Variants in POU2F2 observed in about 807,000 individuals in gnomAD.
POU2F2 encodes the protein POU domain, class 2, transcription factor 2.
In POU2F2, 14 loss-of-function variants were observed where a neutral mutation model predicts 63.5. The observed-to-expected ratio is 0.22, with a 90% CI of 0.15 to 0.34. The LOEUF (loss-of-function observed/expected upper bound fraction) is 0.34, where lower values mean the gene tolerates loss of function less well. POU2F2 is among the 10% of genes least tolerant of loss of function. The pLI, the probability that POU2F2 is intolerant of heterozygous loss-of-function variation, is 1.00. For synonymous variants in POU2F2, 306 were observed against 348.6 expected, an observed-to-expected ratio of 0.88 and a Z score of 1.36; for missense variants, 607 against 815.2, an observed-to-expected ratio of 0.74 and a Z score of 3.11.
At position 42,099,749 on chromosome 19, in the gene POU2F2, A is replaced by C. The variant is rs776396413; in HGVS notation, c.442T>G (p.Phe148Val). 2 of 1,592,634 alleles carry C rather than the reference A, an allele frequency of 1.3e-6. No homozygotes were observed. Among genetic ancestry groups the C allele is most frequent in the Admixed American group, 3.5e-5 (2 of 56,882 alleles). The stretch of plus-strand genomic sequence containing the variant: ...CTCTGCTGGGCCTGCGGTAGCAGGA[A>C]CTGAGCAGGTGGCTGGAGGTGGTGG... ...PGHHLQPPAQ[F>V]LLPQAQQSQP... The change falls in exon 6 of 15, where the codon TTC becomes GTC. Residue 148 changes from phenylalanine (F) to valine (V), a missense_variant. Coordinates refer to ENST00000692977, the MANE Select transcript of POU2F2 (RefSeq NM_001394376.1).
intron 2 of POU2F2, among the ~76,000 whole-genome samples, chr19:42,145,356 C>T (rs1157605147): frequency 6.6e-6 from 1 of 152,188 alleles, no homozygotes; most frequent in Non-Finnish European, 1.5e-5. Context: ...GCAAACCACT[C>T]AGCCTCTCTG....
chr19:42,176,181 G>C (rs546633248), upstream of POU2F2, among the ~76,000 whole-genome samples: 292 of 152,102 alleles, frequency 1.9e-3, 1 homozygote, highest in African/African-American at 6.8e-3. Flanking sequence ...CAAAATGGGG[G>C]TCCCGCCCAG....
chr19:42,091,972 G>A (rs1189553769), intron 13 of POU2F2, 32 bp from the exon 14 acceptor site: 4 of 1,537,220 alleles, frequency 2.6e-6, no homozygotes, highest in Non-Finnish European at 3.5e-6. Flanking sequence ...CATTAGCAGG[G>A]GCAGGGACCT....
chr19:42,154,352 A>G (rs935199692), intron 2 of POU2F2, among the ~76,000 whole-genome samples: 2 of 152,076 alleles, frequency 1.3e-5, no homozygotes, highest in African/African-American at 4.8e-5. Context: ...AAGATGAAAG[A>G]GACTGGAAGG....
chr19:42,087,247 G>A lies in POU2F2; in HGVS notation c.*4010C>T, dbSNP rs2076579476. ...CACTCAGAGACCAGTGGGGGCCCGC[G>A]TGTCTCAATCTTGCTGTCTGTCTCA... On this transcript the variant is annotated 3_prime_UTR_variant, in exon 15 of 15. Coordinates refer to ENST00000692977, the MANE Select transcript of POU2F2 (RefSeq NM_001394376.1). The A allele has an allele frequency of 6.6e-6, 1 of 151,340 alleles. No homozygotes were observed. The highest frequency in any genetic ancestry group is 6.6e-5 in the Admixed American group (1 of 15,178). The allele number at this position is 151,340 out of a possible 1,614,324, so 9.4% of individuals were successfully genotyped here.
chr19:42,179,286 G>C (rs779349508), upstream of POU2F2, among the ~76,000 whole-genome samples: 1 of 151,992 alleles, frequency 6.6e-6, no homozygotes, highest in Non-Finnish European at 1.5e-5. Flanking sequence ...GAGGAGGGCA[G>C]TGCCCAGTCA....
At chr19:42,138,756 G>A (rs2034068725) in intron 2 of POU2F2, among the ~76,000 whole-genome samples, 1 of 152,020 alleles carries the variant, frequency 6.6e-6, no homozygotes, top group Admixed American at 6.6e-5. Context: ...GTGGCTGGGT[G>A]GATGCGAGGC....
intron 1 of POU2F2, among the ~76,000 whole-genome samples, chr19:42,126,774 C>T (rs1600143833): frequency 6.6e-6 from 1 of 152,134 alleles, no homozygotes; most frequent in East Asian, 1.9e-4. Context: ...AAGACCAATG[C>T]GACAGGCCTG....
At chr19:42,177,963 C>T (rs575028111), upstream of POU2F2, among the ~76,000 whole-genome samples, 10 of 149,858 alleles carry the variant, frequency 6.7e-5, no homozygotes, top group South Asian at 2.1e-3. Context: ...AGAAAAGAGA[C>T]AGAGAAGGGT....
At chr19:42,099,877 C>G in intron 5 of POU2F2, 56 bp from the exon 6 acceptor site, 12 of 1,391,020 alleles carry the variant, frequency 8.6e-6, no homozygotes, top group Non-Finnish European at 1.2e-5. Context: ...GGGTTTCATC[C>G]TCTCTGCATC....
chr19:42,166,181 C>G (rs935588011), intron 1 of POU2F2, among the ~76,000 whole-genome samples: 1 of 152,236 alleles, frequency 6.6e-6, no homozygotes. Flanking sequence ...CTCCCCATCA[C>G]CTGACTGGTG....
At chr19:42,099,847 A>G (rs748325784) in intron 5 of POU2F2, 26 bp from the exon 6 acceptor site, 2 of 1,533,732 alleles carry the variant, frequency 1.3e-6, no homozygotes, top group Non-Finnish European at 8.8e-7. Flanking sequence ...GTGGACAGAA[A>G]GATAGCCTGA....
chr19:42,094,126 C>T (rs971685851), intron 11 of POU2F2, among the ~76,000 whole-genome samples: 1 of 152,236 alleles, frequency 6.6e-6, no homozygotes, highest in Non-Finnish European at 1.5e-5. Flanking sequence ...CTTCTGACAC[C>T]GCCCCATCTG....
chr19:42,194,456 G>A (rs2035107101), intron 1 of POU2F2, among the ~76,000 whole-genome samples: 1 of 150,824 alleles, frequency 6.6e-6, no homozygotes, highest in Admixed American at 6.6e-5. Context: ...AGGAAGGAAG[G>A]GAGGAAGAAA....
intron 5 of POU2F2, among the ~76,000 whole-genome samples, chr19:42,108,352 A>T (rs2030481081): frequency 6.6e-6 from 1 of 152,196 alleles, no homozygotes; most frequent in African/African-American, 2.4e-5. Flanking sequence ...GCACTTTGGG[A>T]GGCTGAGACA....
intron 1 of POU2F2, among the ~76,000 whole-genome samples, chr19:42,188,331 A>AC (rs1297429967): frequency 6.6e-6 from 1 of 151,460 alleles, no homozygotes; most frequent in Non-Finnish European, 1.5e-5. Context: ...GTGCCACTGC[A>AC]CTGCAACCTG....
chr19:42,093,821 T>G lies in POU2F2; in HGVS notation c.1264+8A>C. 6.2e-7 allele frequency: 1 copy of G among 1,605,820 alleles called. No individual in the cohort carries two copies. Among genetic ancestry groups the G allele is most frequent in the Non-Finnish European group, 8.5e-7 (1 of 1,173,864 alleles). On this transcript the variant is annotated splice_region_variant and intron_variant, in intron 12 of 14. Transcript: ENST00000692977. ...AGTCCCCCCTCACCATTTTCTGCCC[T>G]CCCTGACCTGTTGTGCTCAGACTGC...
chr19:42,132,482 C>G, upstream of POU2F2: 2 of 1,374,786 alleles, frequency 1.5e-6, no homozygotes, highest in Non-Finnish European at 9.5e-7. Context: ...CCGAGCCCTC[C>G]CTGCCGGAAG....
chr19:42,118,641 A>G (rs965616466), intron 4 of POU2F2, among the ~76,000 whole-genome samples: 1 of 152,250 alleles, frequency 6.6e-6, no homozygotes, highest in African/African-American at 2.4e-5. Context: ...ACAGACCAGC[A>G]TAGAGCCACC....
Sources: gnomAD v4.1 joint callset for allele counts (sites outside exome capture counted in the v4.1 genomes callset) on GRCh38, gnomAD v4.1.1 for gene constraint, MANE v1.5 for transcripts, NCBI Gene and HGNC (gene_info 2026-07-23, HGNC 2026-07-21) for gene names.